The following EYS variants were observed in gnomAD, a reference collection of about 807,000 sequenced individuals.
EYS encodes the protein EGF-like photoreceptor maintenance factor.
In EYS, 250 loss-of-function variants were observed where a neutral mutation model predicts 282.1. The ratio of observed to expected loss-of-function variants is 0.89; its 90% CI spans 0.80 to 0.98. EYS has a LOEUF of 0.98. Among genes scored for constraint, EYS ranks in the 50% least tolerant of loss-of-function variants. The pLI, the probability that EYS is intolerant of heterozygous loss-of-function variation, is 0.00. For synonymous variants in EYS, 1,355 were observed against 1,282.9 expected (o/e 1.06, Z -1.20); for missense variants, 4,016 against 3,709.0 (o/e 1.08, Z -2.15).
chr6:64,294,195 A>G (rs1768820385), intron 30 of EYS, among the ~76,000 whole-genome samples: 1 of 152,208 alleles, frequency 6.6e-6, no homozygotes, highest in African/African-American at 2.4e-5. Context: ...AACAATCCCC[A>G]TCACCAAATA....
chr6:64,259,881 A>C (rs1237171778), intron 30 of EYS, among the ~76,000 whole-genome samples: 2 of 151,962 alleles, frequency 1.3e-5, no homozygotes, highest in Non-Finnish European at 2.9e-5. Context: ...TATGTATTCC[A>C]TAATTATTTC....
chr6:63,975,999 G>T (rs966556468), intron 35 of EYS, among the ~76,000 whole-genome samples: 2 of 151,984 alleles, frequency 1.3e-5, no homozygotes, highest in Non-Finnish European at 2.9e-5. Flanking sequence ...GATCTGTACA[G>T]CATGTAGTAC....
intron 15 of EYS, 117 bp from the exon 16 acceptor site, chr6:64,912,860 C>T: frequency 1.9e-6 from 1 of 523,282 alleles, no homozygotes; most frequent in Admixed American, 3.8e-5. Flanking sequence ...TATAACAGGA[C>T]TAATAAATAA....
intron 29 of EYS, among the ~76,000 whole-genome samples, chr6:64,343,456 T>C (rs1771220835): frequency 6.6e-6 from 1 of 152,132 alleles, no homozygotes; most frequent in African/African-American, 2.4e-5. Flanking sequence ...CCTGAATGAC[T>C]ACTGGATACA....
intron 5 of EYS, among the ~76,000 whole-genome samples, chr6:65,418,914 G>C (rs2150375593): frequency 6.6e-6 from 1 of 152,118 alleles, no homozygotes; most frequent in Non-Finnish European, 1.5e-5. Context: ...TGGTTGGACA[G>C]TGAAGCCTCT....
intron 2 of EYS, among the ~76,000 whole-genome samples, chr6:65,570,607 CT>C (rs1366577514): frequency 3.3e-5 from 5 of 152,062 alleles, no homozygotes; most frequent in Non-Finnish European, 7.4e-5. Flanking sequence ...ACAGAGCAGT[CT>C]AGTTAGGTTC....
intron 12 of EYS, among the ~76,000 whole-genome samples, chr6:65,211,892 A>C (rs1582022392): frequency 6.6e-6 from 1 of 152,164 alleles, no homozygotes; most frequent in African/African-American, 2.4e-5. Flanking sequence ...AGGAAACCCA[A>C]AGTAGGTTAA....
At chr6:65,235,487 T>C (rs898242725) in intron 12 of EYS, among the ~76,000 whole-genome samples, 131 of 152,298 alleles carry the variant, frequency 8.6e-4, no homozygotes, top group African/African-American at 2.9e-3. Flanking sequence ...TATAGTTATT[T>C]CACATATCAT....
Position 63,864,284 on chromosome 6 carries a change from T to C in EYS, c.7130A>G (p.Asn2377Ser). Reference protein sequence around the residue: ...GKLCQFASCENNPCGNGATCV... With the variant: ...GKLCQFASCESNPCGNGATCV... ...GGTGGCACCATTTCCACATGGGTTG[T>C]TTTCACAACTTGCAAACTGGCACAG... The change falls in exon 36 of 43, where the codon AAC (asparagine) becomes AGC (serine). Residue 2377 changes from asparagine to serine, a missense_variant. Physicochemically the swap from Asn to Ser is conservative, Grantham distance 46 (BLOSUM62 1). Coordinates refer to ENST00000503581, the MANE Select transcript of EYS (RefSeq NM_001142800.2). The C allele has an allele frequency of 6.4e-7, 1 of 1,551,650 alleles. No homozygotes were observed. The highest frequency in any genetic ancestry group is 8.7e-7 in the Non-Finnish European group (1 of 1,146,918).
intron 29 of EYS, among the ~76,000 whole-genome samples, chr6:64,307,801 A>C (rs1747886447): frequency 4.1e-5 from 1 of 24,584 alleles, no homozygotes; most frequent in African/African-American, 8.7e-5. Context: ...TACTACCCAT[A>C]TGTATCTCAT....
At chr6:65,335,371 G>T (rs182051647) in intron 10 of EYS, among the ~76,000 whole-genome samples, 2 of 151,686 alleles carry the variant, frequency 1.3e-5, no homozygotes, top group Admixed American at 1.3e-4. Context: ...GCTAAACTCC[G>T]TAATAGGAGC....
intron 30 of EYS, among the ~76,000 whole-genome samples, chr6:64,236,973 C>T (rs1582466852): frequency 6.6e-6 from 1 of 151,716 alleles, no homozygotes. Context: ...TCTTCTATCC[C>T]CCAGATCCTG....
chr6:64,745,455 T>C (rs1280593806), intron 22 of EYS, among the ~76,000 whole-genome samples: 1 of 152,142 alleles, frequency 6.6e-6, no homozygotes, highest in Non-Finnish European at 1.5e-5. Flanking sequence ...AGTTGTAAAA[T>C]TCAGTGGCAT....
intron 13 of EYS, among the ~76,000 whole-genome samples, chr6:65,027,809 T>C (rs961420370): frequency 1.3e-5 from 2 of 152,194 alleles, no homozygotes; most frequent in Non-Finnish European, 2.9e-5. Context: ...TTGTAAGGCA[T>C]GTTGTTTGTT....
intron 22 of EYS, among the ~76,000 whole-genome samples, chr6:64,693,988 G>C (rs568587187): frequency 2.0e-5 from 3 of 152,082 alleles, no homozygotes; most frequent in Admixed American, 6.6e-5. Flanking sequence ...GCTTAAATGG[G>C]AACATAATAA....
At chr6:65,381,454 C>T (rs549611091) in intron 8 of EYS, among the ~76,000 whole-genome samples, 20 of 151,706 alleles carry the variant, frequency 1.3e-4, no homozygotes, top group East Asian at 2.0e-4. Flanking sequence ...TATCACACAC[C>T]GAGGCCTGTC....
intron 14 of EYS, among the ~76,000 whole-genome samples, chr6:64,966,028 T>C (rs1234668429): frequency 5.9e-5 from 9 of 152,052 alleles, no homozygotes; most frequent in Non-Finnish European, 1.3e-4. Context: ...TCCATTTTAC[T>C]GGGTTGCGAA....
chr6:64,604,317 T>G (rs968732163), intron 24 of EYS, among the ~76,000 whole-genome samples: 2 of 152,098 alleles, frequency 1.3e-5, no homozygotes, highest in Non-Finnish European at 2.9e-5. Context: ...TTCAAAACAT[T>G]TTCAAGTATG....
intron 33 of EYS, among the ~76,000 whole-genome samples, chr6:64,012,114 G>A (rs1304903775): frequency 6.7e-6 from 1 of 148,216 alleles, no homozygotes; most frequent in East Asian, 2.0e-4. Context: ...ATGCAAAAAT[G>A]TCTATCTTCC....
Sources: gnomAD v4.1 joint callset for allele counts (sites outside exome capture counted in the v4.1 genomes callset) on GRCh38, gnomAD v4.1.1 for gene constraint, MANE v1.5 for transcripts, NCBI Gene and HGNC (gene_info 2026-07-23, HGNC 2026-07-21) for gene names.